Variants in NALF1 observed in about 807,000 individuals in gnomAD.
NALF1 encodes the protein family with sequence similarity 155 member A.
NALF1 carries 3 observed loss-of-function variants against 48.4 expected under a neutral mutation model. The observed-to-expected ratio is 0.06, with a 90% confidence interval of 0.03 to 0.16. The LOEUF (loss-of-function observed/expected upper bound fraction) is 0.16, where lower values mean the gene tolerates loss of function less well. NALF1 is among the 10% of genes least tolerant of loss of function. The pLI is 1.00. For missense variants in NALF1, 526 were observed against 571.5 expected, an observed-to-expected ratio of 0.92 and a Z score of 0.81; for synonymous variants, 262 against 245.7, an observed-to-expected ratio of 1.07 and a Z score of -0.62.
chr13:107,261,552 A>G (rs1340487116), intron 1 of NALF1, among the ~76,000 whole-genome samples: 8 of 152,226 alleles, frequency 5.3e-5, no homozygotes, highest in South Asian at 4.1e-4. Flanking sequence ...TGGTACAATC[A>G]GGTAAATCTC....
At chr13:107,417,986 G>C (rs1884120026) in intron 1 of NALF1, among the ~76,000 whole-genome samples, 1 of 152,138 alleles carries the variant, frequency 6.6e-6, no homozygotes. Flanking sequence ...GCTTGAACCA[G>C]AGAGGCAGAG....
chr13:107,513,644 T>C (rs1038716172), intron 1 of NALF1, among the ~76,000 whole-genome samples: 2 of 152,170 alleles, frequency 1.3e-5, no homozygotes, highest in Non-Finnish European at 2.9e-5. Context: ...GTTCCATGAA[T>C]AGAAGAGATC....
At chr13:107,294,745 ATC>A (rs1314624787) in intron 1 of NALF1, among the ~76,000 whole-genome samples, 2 of 152,196 alleles carry the variant, frequency 1.3e-5, no homozygotes, top group Admixed American at 6.5e-5. Context: ...ATCTATTAAT[ATC>A]TCTCTGTGCT....
At chr13:107,638,830 C>G (rs148903752) in intron 1 of NALF1, among the ~76,000 whole-genome samples, 3 of 152,168 alleles carry the variant, frequency 2.0e-5, no homozygotes, top group Non-Finnish European at 4.4e-5. Flanking sequence ...GACTGAAGCA[C>G]TCCAGAAGGC....
At chr13:107,480,102 G>T (rs1211671616) in intron 1 of NALF1, among the ~76,000 whole-genome samples, 1 of 152,160 alleles carries the variant, frequency 6.6e-6, no homozygotes, top group Non-Finnish European at 1.5e-5. Context: ...ACTTACTCAT[G>T]ATTTGGAGAC....
chr13:107,610,456 AAGAC>A, intron 1 of NALF1, among the ~76,000 whole-genome samples: 1 of 152,340 alleles, frequency 6.6e-6, no homozygotes, highest in Non-Finnish European at 1.5e-5. Flanking sequence ...AAGTAAAAAA[AAGAC>A]AGTATGATAC....
intron 1 of NALF1, among the ~76,000 whole-genome samples, chr13:107,791,237 A>C (rs905267429): frequency 1.1e-3 from 168 of 152,318 alleles, no homozygotes; most frequent in Non-Finnish European, 4.4e-5. Context: ...TATTCCCTAA[A>C]ATTTGTAATA....
chr13:107,808,678 A>G (rs1336342761), intron 1 of NALF1, among the ~76,000 whole-genome samples: 1 of 150,358 alleles, frequency 6.7e-6, no homozygotes, highest in Non-Finnish European at 1.5e-5. Flanking sequence ...TTAAAAAAAA[A>G]AAAAAAATGA....
chr13:107,593,414 C>A (rs1043267492), intron 1 of NALF1, among the ~76,000 whole-genome samples: 2 of 151,848 alleles, frequency 1.3e-5, no homozygotes, highest in African/African-American at 4.8e-5. Flanking sequence ...TATGCATTGA[C>A]AAATGTTGAC....
At chr13:107,303,227 T>C (rs1026364776) in intron 1 of NALF1, among the ~76,000 whole-genome samples, 7 of 152,208 alleles carry the variant, frequency 4.6e-5, no homozygotes, top group African/African-American at 1.7e-4. Context: ...TGCCCATCTT[T>C]GGTATCTTTT....
intron 1 of NALF1, among the ~76,000 whole-genome samples, chr13:107,766,893 T>C (rs1877431546): frequency 6.6e-6 from 1 of 152,178 alleles, no homozygotes; most frequent in Admixed American, 6.6e-5. Flanking sequence ...TTTATTCATA[T>C]TTTCATGTTA....
At chr13:107,619,954 A>G (rs999808244) in intron 1 of NALF1, among the ~76,000 whole-genome samples, 3 of 152,202 alleles carry the variant, frequency 2.0e-5, no homozygotes, top group African/African-American at 7.2e-5. Context: ...AATTTCCCTT[A>G]TGAATAGATT....
At chr13:107,524,305 A>AT (rs1318926756) in intron 1 of NALF1, among the ~76,000 whole-genome samples, 1 of 152,154 alleles carries the variant, frequency 6.6e-6, no homozygotes, top group African/African-American at 2.4e-5. Context: ...ATTGAAAATG[A>AT]TTGTCTGCAG....
At chr13:107,196,045 C>T (rs551110698) in intron 2 of NALF1, among the ~76,000 whole-genome samples, 1 of 152,230 alleles carries the variant, frequency 6.6e-6, no homozygotes, top group African/African-American at 2.4e-5. Flanking sequence ...TAAACTAACA[C>T]AGGAAAAGAA....
intron 1 of NALF1, among the ~76,000 whole-genome samples, chr13:107,844,807 G>A (rs1014458934): frequency 3.3e-5 from 5 of 152,138 alleles, no homozygotes; most frequent in Admixed American, 3.3e-4. Context: ...TAGCTAAACT[G>A]TGCCTAATTT....
intron 1 of NALF1, among the ~76,000 whole-genome samples, chr13:107,508,397 A>G (rs1180788583): frequency 2.0e-5 from 3 of 151,078 alleles, no homozygotes; most frequent in African/African-American, 7.3e-5. Context: ...ACTATATATT[A>G]TATATAACAG....
At chr13:107,612,862 T>C (rs1260777698) in intron 1 of NALF1, among the ~76,000 whole-genome samples, 1 of 152,122 alleles carries the variant, frequency 6.6e-6, no homozygotes, top group Non-Finnish European at 1.5e-5. Flanking sequence ...CTTTCTCTCA[T>C]AGGATAACTA....
chr13:107,509,234 A>G (rs1875802677), intron 1 of NALF1, among the ~76,000 whole-genome samples: 1 of 152,162 alleles, frequency 6.6e-6, no homozygotes, highest in Admixed American at 6.6e-5. Flanking sequence ...ATACAAACGC[A>G]TACATATGTA....
chr13:107,618,938 T>C (rs1431375102), intron 1 of NALF1, among the ~76,000 whole-genome samples: 1 of 152,190 alleles, frequency 6.6e-6, no homozygotes, highest in East Asian at 1.9e-4. Flanking sequence ...AACCTCTATA[T>C]TCCTAGTATT....
Sources: allele counts gnomAD v4.1 joint callset (sites outside exome capture counted in the v4.1 genomes callset), GRCh38; gene constraint gnomAD v4.1.1; transcripts MANE v1.5; gene names NCBI Gene and HGNC (gene_info 2026-07-23, HGNC 2026-07-21).